ZNF606: variants seen among roughly 807,000 people sequenced by gnomAD.
ZNF606 encodes the protein zinc finger protein 328.
A neutral mutation model predicts 74.9 loss-of-function variants in ZNF606; 37 were observed. The observed-to-expected ratio is 0.49, with a 90% CI of 0.38 to 0.65. The LOEUF (loss-of-function observed/expected upper bound fraction) is 0.65, where lower values mean the gene tolerates loss of function less well. Ranked by LOEUF, ZNF606 falls within the 30% of genes least tolerant of loss-of-function variation. The pLI, the probability that ZNF606 is intolerant of heterozygous loss-of-function variation, is 0.00. For missense variants in ZNF606, 852 were observed against 952.9 expected (o/e 0.89, Z 1.39); for synonymous variants, 328 against 312.4 (o/e 1.05, Z -0.53).
At chr19:57,980,323 A>G in intron 6 of ZNF606, 44 bp from the exon 7 acceptor site, 2 of 1,535,352 alleles carry the variant, frequency 1.3e-6, no homozygotes, top group Non-Finnish European at 1.7e-6. Context: ...AGAGAAAGAC[A>G]TTAGAATAAA....
intron 4 of ZNF606, among the ~76,000 whole-genome samples, chr19:57,995,509 A>G (rs1186828114): frequency 6.6e-6 from 1 of 152,280 alleles, no homozygotes; most frequent in East Asian, 1.9e-4. Context: ...AAAACTACAT[A>G]TAGAAAAAAA....
Position 57,980,186 on chromosome 19 carries a change from A to G in ZNF606, c.494T>C (p.Ile165Thr), listed in dbSNP as rs758408602. The G allele has an allele frequency of 2.5e-6, 4 of 1,614,038 alleles. No homozygotes were observed. The highest frequency in any genetic ancestry group is 2.7e-5 in the African/African-American group (2 of 74,936). Reference protein sequence around the residue: ...QSHGMKLERYIWDDPWFSRLE... With the variant: ...QSHGMKLERYTWDDPWFSRLE... ...CCTGGAGAACCAAGGATCATCCCATATATATCTTTCCAACTTCATGCCATG... is the reference window on the plus strand; with the variant it reads ...CCTGGAGAACCAAGGATCATCCCATGTATATCTTTCCAACTTCATGCCATG... Residue 165 changes from isoleucine to threonine, a missense_variant, in exon 7 of 7, where the codon ATA (isoleucine) becomes ACA (threonine). Around this residue, in one of 3 missense-constraint regions of ZNF606, gnomAD observed 545 missense variants for 542.5 expected, o/e 1.00. Transcript: ENST00000551380.
At chr19:57,989,050 A>C (rs956967541) in intron 4 of ZNF606, among the ~76,000 whole-genome samples, 1 of 152,174 alleles carries the variant, frequency 6.6e-6, no homozygotes, top group African/African-American at 2.4e-5. Flanking sequence ...GCAGTCATAT[A>C]AAAAGGCCTG....
intron 6 of ZNF606, among the ~76,000 whole-genome samples, chr19:57,987,860 A>AT (rs1173625892): frequency 1.3e-5 from 2 of 152,110 alleles, no homozygotes; most frequent in Non-Finnish European, 2.9e-5. Flanking sequence ...CAAAAAGACT[A>AT]TTTTTTTGAA....
At chr19:57,980,355 G>A (rs2073066081) in intron 6 of ZNF606, 76 bp from the exon 7 acceptor site, 8 of 1,432,074 alleles carry the variant, frequency 5.6e-6, no homozygotes, top group Non-Finnish European at 4.7e-6. Context: ...GAGATTTACT[G>A]TCCATATTAT....
intron 6 of ZNF606, among the ~76,000 whole-genome samples, chr19:57,981,646 A>C (rs1022033232): frequency 1.3e-5 from 2 of 152,224 alleles, no homozygotes; most frequent in African/African-American, 2.4e-5. Flanking sequence ...CGAGGCTTCA[A>C]GCCAGGATGT....
chr19:58,003,020 G>A, upstream of ZNF606: 1 of 440,086 alleles, frequency 2.3e-6, no homozygotes. Context: ...CTCCTCCACC[G>A]TCGCCTCCCA....
rs1403968890 is a variant in ZNF606, at chr19:57,978,527, T to C, written c.2153A>G (p.Asn718Ser). The C allele has an allele frequency of 6.2e-7, 1 of 1,614,148 alleles. No individual in the cohort carries two copies. Among genetic ancestry groups the C allele is most frequent in the Non-Finnish European group, 8.5e-7 (1 of 1,180,010 alleles). The change falls in exon 7 of 7, where the codon AAT becomes AGT. Residue 718 changes from asparagine (N) to serine (S), a missense_variant. This residue lies in a region of ZNF606 where 243 missense variants were observed against 359.2 expected (regional missense o/e 0.68). Coordinates refer to ENST00000551380, the MANE Select transcript of ZNF606 (RefSeq NM_001348022.3). The surrounding 1 kb of genome is among the most constrained non-coding windows in gnomAD (Gnocchi z 4.4). ...GTGTACAATAAGGGATGAACTCTCA[T>C]TAAATGCTTTCCCACATTCATTACA... The part of the protein sequence containing the change: ...YRCNECGKAF[N>S]ESSSLIVHLR...
intron 6 of ZNF606, among the ~76,000 whole-genome samples, chr19:57,980,730 G>C (rs1392309465): frequency 7.9e-5 from 12 of 151,710 alleles, no homozygotes; most frequent in African/African-American, 2.9e-4. Context: ...AGCTGCTCAG[G>C]AGGCTGAGGC....
At chr19:57,983,235 T>A (rs1402272130) in intron 6 of ZNF606, among the ~76,000 whole-genome samples, 1 of 152,078 alleles carries the variant, frequency 6.6e-6, no homozygotes, top group African/African-American at 2.4e-5. Flanking sequence ...GAAGTCAGAA[T>A]CTATGTGAAG....
intron 2 of ZNF606, 31 bp downstream of exon 2, chr19:58,001,258 G>A (rs45628537): frequency 6.8e-6 from 11 of 1,611,304 alleles, no homozygotes; most frequent in Non-Finnish European, 9.3e-6. Context: ...AATGATAGGG[G>A]AGGCCCAGGA....
intron 4 of ZNF606, among the ~76,000 whole-genome samples, chr19:57,990,014 T>C (rs1328932628): frequency 8.6e-6 from 1 of 116,558 alleles, no homozygotes; most frequent in Admixed American, 1.2e-4. Flanking sequence ...ATCGTGCCAC[T>C]GCACTCCAGC....
chr19:57,994,913 G>A (rs1412531462), intron 4 of ZNF606, among the ~76,000 whole-genome samples: 1 of 152,144 alleles, frequency 6.6e-6, no homozygotes, highest in African/African-American at 2.4e-5. Flanking sequence ...GCCGGGCATG[G>A]TGGCTCATGC....
chr19:57,979,409 C>T lies in ZNF606; in HGVS notation c.1271G>A (p.Gly424Glu). The stretch of plus-strand genomic sequence containing the variant: ...TTTATCACATTCATAGGGTTTTTCT[C>T]CAGTATGAGTTTTCTTATGTTGAAT... ...YLIQHKKTHT[G>E]EKPYECDKCG... The change falls in exon 7 of 7, where the codon GGA (glycine) becomes GAA (glutamate). Residue 424 changes from glycine (G) to glutamate (E), a missense_variant. By Grantham distance (98) the Gly-to-Glu change is moderately conservative (BLOSUM62 -2). Transcript: ENST00000551380. 1 of 1,613,654 alleles carries T rather than the reference C, an allele frequency of 6.2e-7. No individual in the cohort carries two copies. The highest frequency in any genetic ancestry group is 8.5e-7 in the Non-Finnish European group (1 of 1,179,894).
Position 57,977,798 on chromosome 19 carries a change from TCTA to T in ZNF606, c.*500_*502del, listed in dbSNP as rs2073012887. 6.6e-6 allele frequency: 1 copy of T among 152,530 alleles called. No individual in the cohort carries two copies. Among genetic ancestry groups the T allele is most frequent in the Non-Finnish European group, 1.5e-5 (1 of 68,286 alleles). The allele number at this position is 152,530 out of a possible 1,614,324, so 9.4% of individuals were successfully genotyped here. On this transcript the variant is annotated 3_prime_UTR_variant, in exon 7 of 7. Coordinates refer to ENST00000551380, the MANE Select transcript of ZNF606 (RefSeq NM_001348022.3). ...TACATTCAGATTTAGCACTTCATAT[TCTA>T]CTCCTGGGCACCCAGACCCTCCCCT...
chr19:57,994,776 T>C (rs1248484809), intron 4 of ZNF606, among the ~76,000 whole-genome samples: 1 of 152,156 alleles, frequency 6.6e-6, no homozygotes. Flanking sequence ...AAAGACCTGA[T>C]AATGTCAAGT....
chr19:57,979,167 T>G lies in ZNF606; in HGVS notation c.1513A>C (p.Thr505Pro). Residue 505 changes from threonine (T) to proline (P), a missense_variant, in exon 7 of 7, where the codon ACT becomes CCT. This residue lies in a region of ZNF606 where 243 missense variants were observed against 359.2 expected (regional missense o/e 0.68). Transcript: ENST00000551380. ...WNSHLIGHQR[T>P]HTGEKPFECT... ...TCAAAAGGTTTCTCTCCTGTATGAG[T>G]CCTCTGATGTCCAATAAGATGAGAG... 6.2e-7 allele frequency: 1 copy of G among 1,613,996 alleles called. No homozygotes were observed. The highest frequency in any genetic ancestry group is 8.5e-7 in the Non-Finnish European group (1 of 1,180,012).
Position 57,988,680 on chromosome 19 carries a change from T to C in ZNF606, c.219A>G (p.Gln73=), listed in dbSNP as rs764197080. The part of the protein sequence containing the change: ...TFKDVAVDFT[Q]EEWGQLDLVQ... Reference sequence around the variant, plus strand: ...CAAGGTCCAGCTGCCCCCACTCTTCTTGGGTGAAGTCCACGGCCACGTCCT... The same window carrying C: ...CAAGGTCCAGCTGCCCCCACTCTTCCTGGGTGAAGTCCACGGCCACGTCCT... The change falls in exon 5 of 7, where the codon CAA becomes CAG. Residue 73 remains glutamine (Q), a synonymous_variant. Coordinates refer to ENST00000551380, the MANE Select transcript of ZNF606 (RefSeq NM_001348022.3). The C allele has an allele frequency of 4.3e-6, 7 of 1,614,130 alleles. No homozygotes were observed. Among genetic ancestry groups the C allele is most frequent in the South Asian group, 1.1e-5 (1 of 91,076 alleles).
intron 6 of ZNF606, among the ~76,000 whole-genome samples, chr19:57,981,377 A>C (rs1224421698): frequency 6.6e-6 from 1 of 152,196 alleles, no homozygotes; most frequent in African/African-American, 2.4e-5. Context: ...AAGTACTCAT[A>C]GTGAATCAGT....
Sources: allele counts gnomAD v4.1 joint callset (sites outside exome capture counted in the v4.1 genomes callset), GRCh38; gene constraint gnomAD v4.1.1; regional missense constraint gnomAD v4.1.1; non-coding constraint Gnocchi (gnomAD v3.1); transcripts MANE v1.5; gene names NCBI Gene and HGNC (gene_info 2026-07-23, HGNC 2026-07-21).